The following KRABD5 variants were observed in gnomAD, a reference collection of about 807,000 sequenced individuals.
KRABD5 encodes the protein KRAB domain-containing protein 5.
the KRABD5 span, chr16:31,755,560 G>A: frequency 6.5e-6 from 3 of 463,252 alleles, no homozygotes; most frequent in South Asian, 3.1e-5. Flanking sequence ...ATATATGTAA[G>A]GATTGTGGCA....
the KRABD5 span, among the ~76,000 whole-genome samples, chr16:31,721,871 C>T: frequency 1.3e-5 from 2 of 152,210 alleles, no homozygotes; most frequent in Non-Finnish European, 2.9e-5. Flanking sequence ...GCCCCAGCCC[C>T]AGCCCCAGAT....
chr16:31,725,018 C>T, the KRABD5 span, among the ~76,000 whole-genome samples: 1 of 152,258 alleles, frequency 6.6e-6, no homozygotes, highest in South Asian at 2.1e-4. Flanking sequence ...GGTAGAACTA[C>T]CTTCTTCATT....
chr16:31,721,514 A>G, the KRABD5 span, among the ~76,000 whole-genome samples: 2 of 151,768 alleles, frequency 1.3e-5, no homozygotes, highest in Non-Finnish European at 2.9e-5. Context: ...ACTATATACT[A>G]GATATTTGGC....
the KRABD5 span, chr16:31,753,911 A>G: frequency 3.2e-6 from 5 of 1,551,098 alleles, no homozygotes; most frequent in South Asian, 2.4e-5. Flanking sequence ...GTAAGTGTGA[A>G]GGTCACAATG....
the KRABD5 span, among the ~76,000 whole-genome samples, chr16:31,716,797 A>G: frequency 6.6e-6 from 1 of 152,234 alleles, no homozygotes. Flanking sequence ...TAGATCTCCC[A>G]GTTGTGAGAA....
chr16:31,753,430 T>G, the KRABD5 span, among the ~76,000 whole-genome samples: 3 of 152,156 alleles, frequency 2.0e-5, no homozygotes, highest in Non-Finnish European at 4.4e-5. Flanking sequence ...GGACATATGT[T>G]TTGCTCCTTT....
At chr16:31,753,460 C>T in the KRABD5 span, among the ~76,000 whole-genome samples, 20,274 of 152,092 alleles carry the variant, frequency 0.13, 1,779 homozygotes, top group South Asian at 0.32. Flanking sequence ...TTCCTGAGAG[C>T]GAAACAGAAT....
At chr16:31,722,525 A>C in the KRABD5 span, 4 of 1,380,736 alleles carry the variant, frequency 2.9e-6, no homozygotes, top group South Asian at 1.3e-5. Context: ...CACTCATATA[A>C]ATCAGTCAGT....
the KRABD5 span, among the ~76,000 whole-genome samples, chr16:31,741,615 A>G: frequency 6.6e-6 from 1 of 152,098 alleles, no homozygotes. Context: ...TCTTTTGAGA[A>G]GTGTCTGCTC....
chr16:31,755,815 G>C, the KRABD5 span: 3 of 312,386 alleles, frequency 9.6e-6, no homozygotes, highest in Non-Finnish European at 1.9e-5. Flanking sequence ...TGAATAAATG[G>C]GAGGAAGTAT....
chr16:31,714,270 T>C, the KRABD5 span: 1 of 429,322 alleles, frequency 2.3e-6, no homozygotes. Flanking sequence ...TATTTTGGCC[T>C]TACCTGTTGA....
chr16:31,754,117 G>T, the KRABD5 span: 3 of 701,994 alleles, frequency 4.3e-6, no homozygotes, highest in Non-Finnish European at 5.2e-6. Context: ...AATCCGAATA[G>T]TGACTTAGTC....
At chr16:31,726,521 G>A in the KRABD5 span, among the ~76,000 whole-genome samples, 1 of 152,166 alleles carries the variant, frequency 6.6e-6, no homozygotes, top group African/African-American at 2.4e-5. Flanking sequence ...AGCACTTTGG[G>A]AGACCGAAGC....
the KRABD5 span, chr16:31,761,408 T>G: frequency 6.6e-6 from 1 of 152,166 alleles, no homozygotes; most frequent in Non-Finnish European, 1.5e-5. Context: ...AGTATTCTAG[T>G]TCACCGGTCC....
At chr16:31,740,202 C>T in the KRABD5 span, among the ~76,000 whole-genome samples, 3 of 152,158 alleles carry the variant, frequency 2.0e-5, no homozygotes, top group Non-Finnish European at 4.4e-5. Flanking sequence ...TAGGTCTCCA[C>T]GACCGAGCTG....
At chr16:31,735,874 C>T in the KRABD5 span, among the ~76,000 whole-genome samples, 3 of 152,274 alleles carry the variant, frequency 2.0e-5, no homozygotes, top group East Asian at 3.9e-4. Flanking sequence ...GTTGTCTCTT[C>T]ACTCTGTTAT....
At chr16:31,723,472 G>A in the KRABD5 span, 4 of 982,004 alleles carry the variant, frequency 4.1e-6, no homozygotes, top group Non-Finnish European at 5.8e-6. Context: ...GAGACACCTG[G>A]GTTTATTTCT....
chr16:31,747,684 A>T, the KRABD5 span, among the ~76,000 whole-genome samples: 1 of 152,154 alleles, frequency 6.6e-6, no homozygotes, highest in African/African-American at 2.4e-5. Context: ...TCGCCATTGT[A>T]ACTGGTGTGA....
At chr16:31,756,486 A>G in the KRABD5 span, 1 of 151,274 alleles carries the variant, frequency 6.6e-6, no homozygotes, top group Non-Finnish European at 1.5e-5. Flanking sequence ...ATCTTCACAG[A>G]TATCAGAGAA....
Sources: gnomAD v4.1 joint callset for allele counts (sites outside exome capture counted in the v4.1 genomes callset) on GRCh38, gnomAD v4.1.1 for gene constraint, MANE v1.5 for transcripts, NCBI Gene and HGNC (gene_info 2026-07-23, HGNC 2026-07-21) for gene names.